The following GUCY2C variants were observed in gnomAD, a reference collection of about 807,000 sequenced individuals.
GUCY2C encodes guanylyl cyclase C.
In GUCY2C, 118 loss-of-function variants were observed where a neutral mutation model predicts 131.1. The observed-to-expected ratio is 0.90, with a 90% CI of 0.78 to 1.05. The LOEUF is 1.05. Among genes scored for constraint, GUCY2C ranks in the 50% least tolerant of loss-of-function variants. GUCY2C has a pLI of 0.00. For missense variants in GUCY2C, 1,161 were observed against 1,304.4 expected (o/e 0.89, Z 1.69); for synonymous variants, 452 against 457.8 (o/e 0.99, Z 0.16).
intron 10 of GUCY2C, among the ~76,000 whole-genome samples, chr12:14,662,115 G>GA (rs1258375372): frequency 1.3e-5 from 2 of 151,926 alleles, no homozygotes; most frequent in Non-Finnish European, 2.9e-5. Context: ...GGTTCAAGAA[G>GA]AAAAAATGGA....
Position 14,614,921 on chromosome 12 carries a change from T to C in GUCY2C, c.2993A>G (p.Tyr998Cys). 6.3e-7 allele frequency: 1 copy of C among 1,581,904 alleles called. No individual in the cohort carries two copies. Among genetic ancestry groups the C allele is most frequent in the South Asian group, 1.2e-5 (1 of 86,538 alleles). Reference protein sequence around the residue: ...YLKGRGNETTYWLTGMKDQKF... With the variant: ...YLKGRGNETTCWLTGMKDQKF... ...CTGGTCCTTCATCCCAGTCAGCCAG[T>C]AGGTAGTCTCATTTCCTCTTCCCTG... The change falls in exon 26 of 27, where the codon TAC becomes TGC. Residue 998 changes from tyrosine to cysteine, a missense_variant. Coordinates refer to ENST00000261170, the MANE Select transcript of GUCY2C (RefSeq NM_004963.4).
At chr12:14,637,682 T>C (rs569139846) in intron 19 of GUCY2C, among the ~76,000 whole-genome samples, 1 of 151,908 alleles carries the variant, frequency 6.6e-6, no homozygotes, top group Non-Finnish European at 1.5e-5. Context: ...GAACATACAA[T>C]GGGGAAAGGA....
At position 14,648,024 on chromosome 12, in the gene GUCY2C, G is replaced by C. The variant is rs530193338; in HGVS notation, c.1711-2709C>G. Among the ~76,000 whole-genome samples, 5 of 151,858 alleles carry C rather than the reference G, an allele frequency of 3.3e-5. No homozygotes were observed. In the South Asian group the frequency reaches 6.2e-4, roughly 19 times the overall value. ...TGCCCGGGCTGAAGTGCAATGGCGG[G>C]ATCTCAGCTCATTGCAACCTCCACC... On this transcript the variant is annotated intron_variant, in intron 15 of 26. Coordinates refer to ENST00000261170, the MANE Select transcript of GUCY2C (RefSeq NM_004963.4).
At chr12:14,675,716 A>C (rs753710215) in intron 7 of GUCY2C, among the ~76,000 whole-genome samples, 1 of 152,162 alleles carries the variant, frequency 6.6e-6, no homozygotes, top group Non-Finnish European at 1.5e-5. Context: ...TGATGAATTA[A>C]AAGCCCTTGC....
In GUCY2C at chr12:14,669,847, C is replaced by CA; in HGVS notation, c.1171-15dup. 1.8e-6 allele frequency: 2 copies of CA among 1,127,034 alleles called. No individual in the cohort carries two copies. The highest frequency in any genetic ancestry group is 1.3e-6 in the Non-Finnish European group (1 of 770,890). The allele number at this position is 1,127,034 out of a possible 1,614,324, so 69.8% of individuals were successfully genotyped here. A position where few individuals can be genotyped will look rare whatever the true frequency, so the allele number is the denominator to read the frequency against. ...AAGAACCTTGTACTGTGTCAGGGCA[C>CA]AAAAAAGAAAAAGGATGAACAGTAA... On this transcript the variant is annotated splice_polypyrimidine_tract_variant and intron_variant, in intron 9 of 26. Transcript: ENST00000261170.
In GUCY2C at chr12:14,625,028, T is replaced by A. The variant is rs1013545054; in HGVS notation, c.2408+729A>T. Reference sequence around the variant, plus strand: ...CTTGAAGTGAATATGAAGGGTTCCCTACTGTTCCCAGGCACTCTGAGGGCT... The same window carrying A: ...CTTGAAGTGAATATGAAGGGTTCCCAACTGTTCCCAGGCACTCTGAGGGCT... On this transcript the variant is annotated intron_variant, in intron 21 of 26. Coordinates refer to ENST00000261170, the MANE Select transcript of GUCY2C (RefSeq NM_004963.4). Among the ~76,000 whole-genome samples the A allele has an allele frequency of 5.3e-5, 8 of 152,324 alleles. No individual in the cohort carries two copies. The South Asian group carries it at 1.7e-3, about 32-fold the overall frequency.
intron 17 of GUCY2C, among the ~76,000 whole-genome samples, chr12:14,642,042 G>T (rs1947416050): frequency 6.6e-6 from 1 of 151,972 alleles, no homozygotes; most frequent in African/African-American, 2.4e-5. Flanking sequence ...TTTACCAAAA[G>T]AAGATAAAGA....
chr12:14,620,756 G>C (rs778228217), intron 23 of GUCY2C, among the ~76,000 whole-genome samples: 21 of 152,220 alleles, frequency 1.4e-4, no homozygotes, highest in Non-Finnish European at 1.8e-4. Flanking sequence ...TGAAATCATA[G>C]GTATGGTGAT....
At chr12:14,674,863 A>G in intron 7 of GUCY2C, 103 bp from the exon 8 acceptor site, 1 of 856,278 alleles carries the variant, frequency 1.2e-6, no homozygotes, top group Non-Finnish European at 1.8e-6. Flanking sequence ...CTGGAAAGTT[A>G]AAGGGATATC....
chr12:14,639,281 C>T (rs1350758779), intron 19 of GUCY2C, among the ~76,000 whole-genome samples: 1 of 119,580 alleles, frequency 8.4e-6, no homozygotes, highest in African/African-American at 3.3e-5. Flanking sequence ...GACAGAGTGA[C>T]AGAGCAAGAC....
chr12:14,654,379 A>G (rs1053745219), intron 12 of GUCY2C, among the ~76,000 whole-genome samples: 3 of 152,112 alleles, frequency 2.0e-5, no homozygotes, highest in African/African-American at 4.8e-5. Context: ...CTCCATGTCT[A>G]CCTGACTCTT....
intron 12 of GUCY2C, 52 bp downstream of exon 12, chr12:14,656,460 T>C (rs928269755): frequency 6.6e-6 from 6 of 911,512 alleles, no homozygotes; most frequent in Non-Finnish European, 7.3e-6. Context: ...TTAAGTCTTG[T>C]CAAATACCTG....
chr12:14,651,448 T>C lies in GUCY2C; in HGVS notation c.1669A>G (p.Ile557Val). Residue 557 changes from isoleucine to valine, a missense_variant, in exon 15 of 27, where the codon ATC becomes GTC. Transcript: ENST00000261170. ...FYGTVKLDTM[I>V]FGVIEYCERG... The stretch of plus-strand genomic sequence containing the variant: ...TCACAGTATTCTATCACCCCGAAGA[T>C]CATGGTATCAAGTTTCACTGTGCCG... 1 of 1,606,066 alleles carries C rather than the reference T, an allele frequency of 6.2e-7. No individual in the cohort carries two copies.
intron 25 of GUCY2C, 30 bp from the exon 26 acceptor site, chr12:14,614,973 G>C (rs1478749899): frequency 8.3e-7 from 1 of 1,201,752 alleles, no homozygotes. Context: ...ACGTACCACG[G>C]AGTCCAAGGA....
At chr12:14,630,193 TAGATG>T (rs1382065052) in intron 19 of GUCY2C, among the ~76,000 whole-genome samples, 2 of 151,816 alleles carry the variant, frequency 1.3e-5, no homozygotes, top group South Asian at 2.1e-4. Context: ...TAAGTGATAC[TAGATG>T]CAATCCCTGT....
intron 10 of GUCY2C, among the ~76,000 whole-genome samples, chr12:14,663,472 G>A (rs912282860): frequency 6.6e-6 from 1 of 152,126 alleles, no homozygotes; most frequent in Non-Finnish European, 1.5e-5. Flanking sequence ...TAGTAGAGGT[G>A]GGGTTTCATC....
intron 9 of GUCY2C, 66 bp downstream of exon 9, chr12:14,672,807 C>G: frequency 1.2e-6 from 1 of 857,714 alleles, no homozygotes; most frequent in South Asian, 1.4e-5. Context: ...TAGTGCTCCT[C>G]TTCCAAGTTA....
chr12:14,686,718 T>C (rs566063875), intron 2 of GUCY2C, among the ~76,000 whole-genome samples: 5 of 152,320 alleles, frequency 3.3e-5, no homozygotes, highest in Admixed American at 2.0e-4. Flanking sequence ...GTTGGGACCA[T>C]CTCATCCCTG....
At position 14,612,961 on chromosome 12, in the gene GUCY2C, T is replaced by C. The variant is rs2136962471; in HGVS notation, c.*156A>G. The C allele has an allele frequency of 1.6e-6, 1 of 627,376 alleles. No homozygotes were observed. Among genetic ancestry groups the C allele is most frequent in the Non-Finnish European group, 2.9e-6 (1 of 349,464 alleles). The allele number at this position is 627,376 out of a possible 1,614,324, so 38.9% of individuals were successfully genotyped here. On this transcript the variant is annotated 3_prime_UTR_variant, in exon 27 of 27. Transcript: ENST00000261170. ...TCACTGAGAACACACATCTGATTCA[T>C]GCAAGAAAGTCCATGTTCCAGACAG...
Sources: allele counts gnomAD v4.1 joint callset (sites outside exome capture counted in the v4.1 genomes callset), GRCh38; gene constraint gnomAD v4.1.1; transcripts MANE v1.5; gene names NCBI Gene and HGNC (gene_info 2026-07-23, HGNC 2026-07-21).